NPFFR1: variants seen among roughly 807,000 people sequenced by gnomAD.
NPFFR1 encodes the protein G-protein coupled receptor 147.
In NPFFR1, 17 loss-of-function variants were observed where a neutral mutation model predicts 12.7. That is an observed-to-expected ratio of 1.34 (90% CI 0.92 to 2.01). The LOEUF is 2.01. Among genes scored for constraint, NPFFR1 ranks in the 30% most tolerant of loss-of-function variants. The probability of loss-of-function intolerance (pLI) is 0.00; values close to 1 mark genes in which losing one functional copy is unlikely to be tolerated. For synonymous variants in NPFFR1, 296 were observed against 264.5 expected (o/e 1.12, Z -1.16); for missense variants, 604 against 606.5 (o/e 1.00, Z 0.04).
In NPFFR1 at chr10:70,280,533, C is replaced by T. The variant is rs60984698; in HGVS notation, c.7+3137G>A. ...TGTTAGCCATTTGTATGTCTTCTTT[C>T]GAGAAATGTCTATTCAGATTTCTTA... is the stretch of plus-strand genomic sequence containing the variant. On this transcript the variant is annotated intron_variant, in intron 1 of 3. Coordinates refer to ENST00000277942, the MANE Select transcript of NPFFR1 (RefSeq NM_022146.5). Among the ~76,000 whole-genome samples the T allele has an allele frequency of 1.6e-4, 24 of 152,162 alleles. No homozygotes were observed. The East Asian group carries it at 3.7e-3, about 23-fold the overall frequency.
At chr10:70,259,066 C>T (rs566540833) in intron 3 of NPFFR1, among the ~76,000 whole-genome samples, 2 of 152,238 alleles carry the variant, frequency 1.3e-5, no homozygotes, top group East Asian at 3.9e-4. Context: ...GAGGGTGGAT[C>T]ACTTGAGGAC....
Position 70,255,324 on chromosome 10 carries a change from T to C in NPFFR1, c.926A>G (p.Tyr309Cys), listed in dbSNP as rs1417688357. 3.8e-6 allele frequency: 6 copies of C among 1,580,516 alleles called. No homozygotes were observed. Among genetic ancestry groups the C allele is most frequent in the Non-Finnish European group, 5.1e-6 (6 of 1,167,334 alleles). The change falls in exon 4 of 4, where the codon TAC becomes TGC. Residue 309 changes from tyrosine to cysteine, a missense_variant. Transcript: ENST00000277942. This position sits in a 1 kb window ranked among gnomAD's most constrained non-coding sequence, Gnocchi z 4.2. ...SAPQLHLVTV[Y>C]AFPFAHWLAF... Reference sequence around the variant, plus strand: ...CAGCCAGTGCGCGAAGGGGAAGGCGTAGACGGTGACCAGGTGCAGCTGCGG... The same window carrying C: ...CAGCCAGTGCGCGAAGGGGAAGGCGCAGACGGTGACCAGGTGCAGCTGCGG...
chr10:70,254,061 C>A lies in NPFFR1; in HGVS notation c.*896G>T, dbSNP rs1042234868. 6.6e-6 allele frequency: 1 copy of A among 152,242 alleles called. No homozygotes were observed. Among genetic ancestry groups the A allele is most frequent in the Non-Finnish European group, 1.5e-5 (1 of 68,056 alleles). The allele number at this position is 152,242 out of a possible 1,614,324, so 9.4% of individuals were successfully genotyped here. ...GCTTTGTACCTGCAGCCCCAGTGAG[C>A]AGATGTGTTTCCCAATGTGGAAAAT... On this transcript the variant is annotated 3_prime_UTR_variant, in exon 4 of 4. Coordinates refer to ENST00000277942, the MANE Select transcript of NPFFR1 (RefSeq NM_022146.5).
At chr10:70,274,454 T>A (rs1430436656) in intron 1 of NPFFR1, among the ~76,000 whole-genome samples, 2 of 151,006 alleles carry the variant, frequency 1.3e-5, no homozygotes, top group African/African-American at 4.9e-5. Context: ...ATCTTGAAAA[T>A]AAAAAAGAGA....
At position 70,248,492 on chromosome 10, in the gene NPFFR1, T is replaced by TTTTTTTTTTG. The variant is rs1840477824; in HGVS notation, c.*6464_*6465insCAAAAAAAAA. ...GTTTTTTTTTTGTTTTTTGTTTTTTTTTTTTTTTTTTGAGATGGAGTCTCA... is the reference window on the plus strand; with the variant it reads ...GTTTTTTTTTTGTTTTTTGTTTTTTTTTTTTTTTTGTTTTTTTTTTTGAGATGGAGTCTCA... On this transcript the variant is annotated 3_prime_UTR_variant, in exon 4 of 4. Coordinates refer to ENST00000277942, the MANE Select transcript of NPFFR1 (RefSeq NM_022146.5). 1.4e-5 allele frequency: 2 copies of TTTTTTTTTTG among 138,034 alleles called. 1 individual carries two copies. The highest frequency in any genetic ancestry group is 3.1e-5 in the Non-Finnish European group (2 of 63,994). The allele number at this position is 138,034 out of a possible 1,614,324, so 8.6% of individuals were successfully genotyped here. A position where few individuals can be genotyped will look rare whatever the true frequency, so the allele number is the denominator to read the frequency against.
intron 1 of NPFFR1, among the ~76,000 whole-genome samples, chr10:70,271,408 G>T (rs1406929889): frequency 6.6e-6 from 1 of 152,156 alleles, no homozygotes; most frequent in African/African-American, 2.4e-5. Flanking sequence ...AGCTACTCTG[G>T]AGGTTGAGGT....
chr10:70,283,627 G>A (rs1311590882), intron 1 of NPFFR1, 43 bp downstream of exon 1: 1 of 1,524,178 alleles, frequency 6.6e-7, no homozygotes, highest in Non-Finnish European at 8.8e-7. Flanking sequence ...CCCGGAGTCG[G>A]TACCCTGCCC....
At chr10:70,281,211 C>T (rs1433720801) in intron 1 of NPFFR1, among the ~76,000 whole-genome samples, 5 of 152,176 alleles carry the variant, frequency 3.3e-5, no homozygotes, top group African/African-American at 1.2e-4. Context: ...CTCTGCTCTG[C>T]TTCCTCTGAA....
At chr10:70,257,499 G>A (rs1266746408) in intron 3 of NPFFR1, among the ~76,000 whole-genome samples, 3 of 152,208 alleles carry the variant, frequency 2.0e-5, no homozygotes, top group African/African-American at 7.2e-5. Flanking sequence ...CAATAAACTA[G>A]GGGCACAATG....
chr10:70,255,131 G>A lies in NPFFR1; in HGVS notation c.1119C>T (p.Phe373=). Residue 373 remains phenylalanine (F), a synonymous_variant, in exon 4 of 4, where the codon TTC becomes TTT. Transcript: ENST00000277942. This position sits in a 1 kb window ranked among gnomAD's most constrained non-coding sequence, Gnocchi z 4.2. ...CGGAGTCGCTGGGCCGCACCACCAC[G>A]AAGACCCGCCTGTGCAGAAGCCCGC... is the stretch of plus-strand genomic sequence containing the variant. ...RPGGLLHRRV[F]VVVRPSDSGL... is the part of the protein sequence containing the mutation. The A allele has an allele frequency of 6.6e-7, 1 of 1,517,174 alleles. No individual in the cohort carries two copies. Among genetic ancestry groups the A allele is most frequent in the South Asian group, 1.3e-5 (1 of 79,976 alleles). 94.0% of individuals were successfully genotyped at this position (1,517,174 alleles called of 1,614,324 possible). A position where few individuals can be genotyped will look rare whatever the true frequency, so the allele number is the denominator to read the frequency against.
chr10:70,256,887 G>A (rs994995666), intron 3 of NPFFR1, among the ~76,000 whole-genome samples: 11 of 152,154 alleles, frequency 7.2e-5, no homozygotes, highest in South Asian at 6.2e-4. Context: ...GACAAAACCC[G>A]TGCCTATTTT....
At chr10:70,271,969 T>C (rs929964271) in intron 1 of NPFFR1, among the ~76,000 whole-genome samples, 1 of 151,494 alleles carries the variant, frequency 6.6e-6, no homozygotes, top group Non-Finnish European at 1.5e-5. Context: ...ATACAAAAAT[T>C]AGCCAGGCGT....
Position 70,254,900 on chromosome 10 carries a change from A to C in NPFFR1, c.*57T>G. The C allele has an allele frequency of 7.3e-7, 1 of 1,377,582 alleles. No homozygotes were observed. 85.3% of individuals were successfully genotyped at this position (1,377,582 alleles called of 1,614,324 possible). ...ACCACACCAGGCCGCTATCGCCTGC[A>C]TGTATCTCGTGTCCAATCGGGGCCC... On this transcript the variant is annotated 3_prime_UTR_variant, in exon 4 of 4. Coordinates refer to ENST00000277942, the MANE Select transcript of NPFFR1 (RefSeq NM_022146.5).
intron 3 of NPFFR1, among the ~76,000 whole-genome samples, chr10:70,258,068 T>C (rs924378252): frequency 1.3e-5 from 2 of 152,146 alleles, no homozygotes; most frequent in Admixed American, 1.3e-4. Context: ...CAGAGACCGG[T>C]GCCGGCGCAG....
chr10:70,277,097 A>T (rs1056145625), intron 1 of NPFFR1, among the ~76,000 whole-genome samples: 1 of 152,224 alleles, frequency 6.6e-6, no homozygotes, highest in Non-Finnish European at 1.5e-5. Flanking sequence ...TGGAAGCAGG[A>T]CAGATTGTCA....
At position 70,266,221 on chromosome 10, in the gene NPFFR1, C is replaced by G. The variant is rs1840688121; in HGVS notation, c.178G>C (p.Gly60Arg). Residue 60 changes from glycine (G) to arginine (R), a missense_variant, in exon 2 of 4, where the codon GGC becomes CGC. Gly to Arg is a moderately radical substitution (Grantham distance 125). Coordinates refer to ENST00000277942, the MANE Select transcript of NPFFR1 (RefSeq NM_022146.5). Reference protein sequence around the residue: ...YALIFLLCMVGNTLVCFIVLK... With the variant: ...YALIFLLCMVRNTLVCFIVLK... ...ACGATGAAACAGACCAGGGTGTTGC[C>G]CACCATGCAGAGCAGGAAGATGAGC... 3.7e-6 allele frequency: 6 copies of G among 1,613,966 alleles called. No homozygotes were observed. The highest frequency in any genetic ancestry group is 2.7e-5 in the African/African-American group (2 of 75,032).
intron 1 of NPFFR1, among the ~76,000 whole-genome samples, chr10:70,272,831 A>G (rs1250480112): frequency 6.6e-6 from 1 of 152,186 alleles, no homozygotes; most frequent in Admixed American, 6.5e-5. Flanking sequence ...ACCCTAAGGA[A>G]CAGAGTGAGG....
At chr10:70,264,281 G>A (rs1324058293) in intron 2 of NPFFR1, among the ~76,000 whole-genome samples, 1 of 148,536 alleles carries the variant, frequency 6.7e-6, no homozygotes, top group Non-Finnish European at 1.5e-5. Context: ...GGCTGAGGCA[G>A]GAGAATCACT....
chr10:70,260,599 C>CT, intron 3 of NPFFR1, 41 bp downstream of exon 3: 1 of 1,534,514 alleles, frequency 6.5e-7, no homozygotes, highest in Non-Finnish European at 8.9e-7. Flanking sequence ...AATGCCAGGC[C>CT]CTAGTTGGCT....
Sources: allele counts gnomAD v4.1 joint callset (sites outside exome capture counted in the v4.1 genomes callset), GRCh38; gene constraint gnomAD v4.1.1; non-coding constraint Gnocchi (gnomAD v3.1); transcripts MANE v1.5; gene names NCBI Gene and HGNC (gene_info 2026-07-23, HGNC 2026-07-21).